The following SORCS1 variants were observed in gnomAD, a reference collection of about 807,000 sequenced individuals.
SORCS1 encodes the protein sortilin related VPS10 domain containing receptor 1, also known as VPS10 domain-containing receptor SorCS1.
SORCS1 carries 60 observed loss-of-function variants against 146.1 expected under a neutral mutation model. The ratio of observed to expected loss-of-function variants is 0.41; its 90% CI spans 0.33 to 0.51. The LOEUF is 0.51. SORCS1 is among the 20% of genes least tolerant of loss of function. The pLI is 0.21. For missense variants in SORCS1, 1,352 were observed against 1,487.6 expected, an observed-to-expected ratio of 0.91 and a Z score of 1.50; for synonymous variants, 637 against 584.0, an observed-to-expected ratio of 1.09 and a Z score of -1.31.
At chr10:107,003,314 G>T (rs765034906) in intron 1 of SORCS1, among the ~76,000 whole-genome samples, 1 of 152,058 alleles carries the variant, frequency 6.6e-6, no homozygotes, top group Non-Finnish European at 1.5e-5. Flanking sequence ...TAATATATTT[G>T]CAGCTCATAT....
chr10:106,702,888 C>T (rs1007265961), intron 8 of SORCS1, among the ~76,000 whole-genome samples: 3 of 151,974 alleles, frequency 2.0e-5, no homozygotes, highest in South Asian at 2.1e-4. Context: ...CTCCATAGGA[C>T]GACAATGTTG....
chr10:106,675,348 G>A (rs769034278), intron 13 of SORCS1, among the ~76,000 whole-genome samples, 192 bp from the exon 14 acceptor site: 2 of 151,984 alleles, frequency 1.3e-5, no homozygotes, highest in Non-Finnish European at 2.9e-5. Context: ...AAGCCACCGG[G>A]ACACAGATGT....
chr10:106,622,310 A>AT (rs1847804810), intron 19 of SORCS1, among the ~76,000 whole-genome samples: 1 of 151,594 alleles, frequency 6.6e-6, no homozygotes, highest in African/African-American at 2.4e-5. Context: ...AAAAAAAAAA[A>AT]AAAGATTCCC....
In SORCS1 at chr10:106,960,582, T is replaced by C. The variant is rs765687767; in HGVS notation, c.559-4002A>G. Among the ~76,000 whole-genome samples, 5 of 152,078 alleles carry C rather than the reference T, an allele frequency of 3.3e-5. No homozygotes were observed. The highest frequency in any genetic ancestry group is 5.9e-5 in the Non-Finnish European group (4 of 68,020). ...CACACCCAGCTAATTTTTGTACTTTTAGTAGAGATGGGATTTCACCATGTT... is the reference window on the plus strand; with the variant it reads ...CACACCCAGCTAATTTTTGTACTTTCAGTAGAGATGGGATTTCACCATGTT... On this transcript the variant is annotated intron_variant, in intron 1 of 25. Transcript: ENST00000263054. This position sits in a 1 kb window ranked among gnomAD's most constrained non-coding sequence, Gnocchi z 4.4.
chr10:106,872,265 T>G (rs1950438567), intron 2 of SORCS1, among the ~76,000 whole-genome samples: 1 of 152,148 alleles, frequency 6.6e-6, no homozygotes, highest in South Asian at 2.1e-4. Flanking sequence ...CAGGTGCATG[T>G]GTTGAGGAAG....
At chr10:107,154,197 T>C (rs1394946173) in intron 1 of SORCS1, among the ~76,000 whole-genome samples, 1 of 151,936 alleles carries the variant, frequency 6.6e-6, no homozygotes, top group Non-Finnish European at 1.5e-5. Context: ...GAGATGGGGT[T>C]TCTCCATGTT....
At chr10:106,597,772 G>A (rs1225755022) in intron 23 of SORCS1, among the ~76,000 whole-genome samples, 1 of 152,070 alleles carries the variant, frequency 6.6e-6, no homozygotes, top group South Asian at 2.1e-4. Flanking sequence ...TATGCATGAG[G>A]ACTTAAAAGA....
intron 1 of SORCS1, among the ~76,000 whole-genome samples, chr10:107,006,379 GAATA>G (rs1051228477): frequency 8.5e-5 from 13 of 152,172 alleles, no homozygotes; most frequent in Non-Finnish European, 1.2e-4. Flanking sequence ...AGCAACAAGA[GAATA>G]AATAGATGGC....
At chr10:106,972,380 C>CAAAAA (rs35202189) in intron 1 of SORCS1, among the ~76,000 whole-genome samples, 20 of 94,122 alleles carry the variant, frequency 2.1e-4, no homozygotes, top group African/African-American at 7.4e-4. Flanking sequence ...GACTCTGTCT[C>CAAAAA]AAAAAAAAAA....
At chr10:106,949,977 A>C (rs1589771367) in intron 2 of SORCS1, among the ~76,000 whole-genome samples, 1 of 152,254 alleles carries the variant, frequency 6.6e-6, no homozygotes, top group Non-Finnish European at 1.5e-5. Flanking sequence ...ATTTCTTCTC[A>C]GAAGTACCAT....
intron 24 of SORCS1, among the ~76,000 whole-genome samples, chr10:106,581,660 T>G (rs1204172126): frequency 6.6e-6 from 1 of 151,958 alleles, no homozygotes; most frequent in Non-Finnish European, 1.5e-5. Flanking sequence ...TCAACAACCA[T>G]CAACCAACAG....
At chr10:107,179,940 G>C in the SORCS1 span, among the ~76,000 whole-genome samples, 2 of 119,684 alleles carry the variant, frequency 1.7e-5, no homozygotes, top group Non-Finnish European at 1.6e-5. Flanking sequence ...TTTTTGAGAC[G>C]GGGTCTCTCT....
intron 2 of SORCS1, among the ~76,000 whole-genome samples, chr10:106,954,798 C>T (rs1237589733): frequency 6.6e-6 from 1 of 152,078 alleles, no homozygotes; most frequent in Non-Finnish European, 1.5e-5. Flanking sequence ...CTATAAAAAC[C>T]CTGCCCTCAG....
chr10:106,724,490 G>A (rs1347854715), intron 6 of SORCS1, among the ~76,000 whole-genome samples: 1 of 150,278 alleles, frequency 6.7e-6, no homozygotes, highest in Non-Finnish European at 1.5e-5. Context: ...GAGACAGAGT[G>A]AGACTCCATC....
At chr10:106,719,851 G>T (rs1191388594) in intron 6 of SORCS1, among the ~76,000 whole-genome samples, 3 of 152,052 alleles carry the variant, frequency 2.0e-5, no homozygotes, top group Admixed American at 2.0e-4. Context: ...ACGTTTGCCC[G>T]CCCCTCTCTC....
At chr10:106,910,362 G>C (rs971143317) in intron 2 of SORCS1, among the ~76,000 whole-genome samples, 2 of 151,916 alleles carry the variant, frequency 1.3e-5, no homozygotes, top group East Asian at 3.9e-4. Context: ...AAGCGAGAGA[G>C]AGGGCCACAT....
chr10:106,833,658 TCCAGCA>T (rs1173084381), intron 2 of SORCS1, among the ~76,000 whole-genome samples: 6 of 152,048 alleles, frequency 3.9e-5, no homozygotes, highest in Non-Finnish European at 4.4e-5. Context: ...AAAAACTTGC[TCCAGCA>T]CCAAGACCAA....
intron 10 of SORCS1, among the ~76,000 whole-genome samples, chr10:106,681,026 T>A (rs1410729308): frequency 6.6e-6 from 1 of 152,174 alleles, no homozygotes; most frequent in East Asian, 1.9e-4. Flanking sequence ...AAATGATTGG[T>A]TTTGCATAAA....
intron 17 of SORCS1, among the ~76,000 whole-genome samples, chr10:106,666,395 G>C (rs1481372340): frequency 6.6e-6 from 1 of 152,108 alleles, no homozygotes; most frequent in Non-Finnish European, 1.5e-5. Flanking sequence ...CTTTGGACTA[G>C]AACTACAACA....
Sources: gnomAD v4.1 joint callset for allele counts (sites outside exome capture counted in the v4.1 genomes callset) on GRCh38, gnomAD v4.1.1 for gene constraint, Gnocchi (gnomAD v3.1) non-coding constraint, MANE v1.5 for transcripts, NCBI Gene and HGNC (gene_info 2026-07-23, HGNC 2026-07-21) for gene names.